Variants in FAM193A observed in about 807,000 individuals in gnomAD.
FAM193A encodes family with sequence similarity 193 member A.
Under a neutral mutation model 126.5 loss-of-function variants are expected in FAM193A, and 22 were observed. That is an observed-to-expected ratio of 0.17 (90% CI 0.12 to 0.25). The LOEUF (loss-of-function observed/expected upper bound fraction) is 0.25, where lower values mean the gene tolerates loss of function less well. FAM193A is among the 10% of genes least tolerant of loss of function. The probability of loss-of-function intolerance (pLI) is 1.00; values close to 1 mark genes in which losing one functional copy is unlikely to be tolerated. For synonymous variants in FAM193A, 761 were observed against 646.8 expected, an observed-to-expected ratio of 1.18 and a Z score of -2.68; for missense variants, 1,675 against 1,672.8, an observed-to-expected ratio of 1.00 and a Z score of -0.02.
At chr4:2,613,129 T>A (rs906980164) in intron 2 of FAM193A, among the ~76,000 whole-genome samples, 1 of 152,152 alleles carries the variant, frequency 6.6e-6, no homozygotes, top group East Asian at 1.9e-4. Context: ...TTAAAAACTT[T>A]AGTAGTCAGT....
rs536378629 is a variant in FAM193A, at chr4:2,565,323, G to A, written c.255+28153G>A. On this transcript the variant is annotated intron_variant, in intron 1 of 20. Coordinates refer to ENST00000637812, the MANE Select transcript of FAM193A (RefSeq NM_001366318.2). ...TCGCCAGGCTGGAGTGCAGTGGTGCGATTTCAGTTTACTACATCCTCTGCC... is the reference window on the plus strand; with the variant it reads ...TCGCCAGGCTGGAGTGCAGTGGTGCAATTTCAGTTTACTACATCCTCTGCC... Among the ~76,000 whole-genome samples, 88 of 139,472 alleles carry A rather than the reference G, an allele frequency of 6.3e-4. 1 individual carries two copies. The highest frequency in any genetic ancestry group is 1.1e-3 in the Non-Finnish European group (72 of 66,360). 91.5% of individuals were successfully genotyped at this position (139,472 alleles called of 152,430 possible).
intron 2 of FAM193A, chr4:2,615,110 T>C (rs938665224): frequency 3.3e-5 from 5 of 152,212 alleles, no homozygotes; most frequent in African/African-American, 1.2e-4. Flanking sequence ...TTATTTTGTA[T>C]TTATTTATTT....
intron 18 of FAM193A, among the ~76,000 whole-genome samples, chr4:2,698,198 G>T (rs1439771698): frequency 6.6e-6 from 1 of 152,228 alleles, no homozygotes; most frequent in East Asian, 1.9e-4. Context: ...TCCAAACCGG[G>T]GGCCTGTGCT....
At chr4:2,644,643 G>C (rs1394619076) in intron 6 of FAM193A, among the ~76,000 whole-genome samples, 2 of 152,006 alleles carry the variant, frequency 1.3e-5, no homozygotes, top group Non-Finnish European at 2.9e-5. Context: ...TGACTGCCCA[G>C]TTACACCTAA....
At chr4:2,717,458 TG>T (rs983758916) in intron 20 of FAM193A, among the ~76,000 whole-genome samples, 15 of 151,766 alleles carry the variant, frequency 9.9e-5, no homozygotes, top group African/African-American at 3.6e-4. Flanking sequence ...TACCTGGACG[TG>T]GTGACAAGAG....
intron 1 of FAM193A, among the ~76,000 whole-genome samples, chr4:2,541,608 G>C (rs1472577249): frequency 6.6e-6 from 1 of 151,640 alleles, no homozygotes; most frequent in Admixed American, 6.6e-5. Flanking sequence ...ACCACGCCCA[G>C]CTAATTTTTG....
At chr4:2,678,177 G>T (rs940387440) in intron 13 of FAM193A, among the ~76,000 whole-genome samples, 1 of 151,818 alleles carries the variant, frequency 6.6e-6, no homozygotes, top group African/African-American at 2.4e-5. Context: ...ATAGAGATGG[G>T]GTTTCACTGT....
intron 2 of FAM193A, chr4:2,608,016 T>G (rs747428711): frequency 8.0e-5 from 128 of 1,601,278 alleles, no homozygotes; most frequent in Non-Finnish European, 1.0e-4. Context: ...GGTGTGAATG[T>G]GCACCACGCA....
chr4:2,688,865 C>T (rs917239443), intron 13 of FAM193A, among the ~76,000 whole-genome samples: 3 of 152,236 alleles, frequency 2.0e-5, no homozygotes, highest in African/African-American at 7.2e-5. Context: ...CAGGAGCAGC[C>T]AGATGGCTAG....
intron 6 of FAM193A, among the ~76,000 whole-genome samples, chr4:2,645,492 T>C (rs1745042848): frequency 6.6e-6 from 1 of 152,120 alleles, no homozygotes; most frequent in African/African-American, 2.4e-5. Flanking sequence ...TATTTTCTCA[T>C]TTTCCATCTT....
At chr4:2,687,902 C>T (rs1174367510) in intron 13 of FAM193A, among the ~76,000 whole-genome samples, 3 of 152,192 alleles carry the variant, frequency 2.0e-5, no homozygotes, top group Non-Finnish European at 4.4e-5. Flanking sequence ...CATCCCTGTA[C>T]GTGCGCCATC....
Position 2,694,980 on chromosome 4 carries a change from G to T in FAM193A, c.3127G>T (p.Gly1043Cys). 1 of 1,604,298 alleles carries T rather than the reference G, an allele frequency of 6.2e-7. No homozygotes were observed. The highest frequency in any genetic ancestry group is 8.5e-7 in the Non-Finnish European group (1 of 1,176,070). The change falls in exon 17 of 21, where the codon GGT (glycine) becomes TGT (cysteine). Residue 1043 changes from glycine (G) to cysteine (C), a missense_variant. Gly to Cys is a radical substitution (Grantham distance 159). Around this residue, in one of 4 missense-constraint regions of FAM193A, gnomAD observed 1,186 missense variants for 1,109.2 expected, o/e 1.07. Transcript: ENST00000637812. ...CTGCGAAGGGCACCGCTGCGAGAAT[G>T]GTGTCTACGACCCACAGCAGGATGA... The part of the protein sequence containing the change: ...PDCEGHRCEN[G>C]VYDPQQDDGD...
rs774897240 is a variant in FAM193A at position 2,590,463 on chromosome 4, CAA to C, written c.256-5610_256-5609del. On this transcript the variant is annotated intron_variant, in intron 1 of 20. Transcript: ENST00000637812. ...CTGGTGACAGAGCGAGACTCCATCT[CAA>C]AAAAAAAAAACAAAAAAAAACAAAA... Among the ~76,000 whole-genome samples the C allele has an allele frequency of 2.0e-3, 27 of 13,570 alleles. 3 individuals carry two copies. Among genetic ancestry groups the C allele is most frequent in the African/African-American group, 8.7e-3 (21 of 2,422 alleles). The allele number at this position is 13,570 out of a possible 152,430, so 8.9% of individuals were successfully genotyped here.
chr4:2,582,289 C>T (rs1489224151), intron 1 of FAM193A, among the ~76,000 whole-genome samples: 1 of 152,078 alleles, frequency 6.6e-6, no homozygotes, highest in Non-Finnish European at 1.5e-5. Context: ...GTAGCTGAGA[C>T]CACAAGTGTG....
chr4:2,710,159 TTG>T (rs1718756237), intron 19 of FAM193A, among the ~76,000 whole-genome samples: 2 of 135,010 alleles, frequency 1.5e-5, no homozygotes, highest in Non-Finnish European at 3.1e-5. Context: ...TGTTCTTCTT[TTG>T]TTTTTTTTTT....
chr4:2,712,198 G>A (rs750748440), intron 19 of FAM193A, among the ~76,000 whole-genome samples: 1 of 151,954 alleles, frequency 6.6e-6, no homozygotes, highest in Non-Finnish European at 1.5e-5. Context: ...GTGTGTGTGT[G>A]TATATATATG....
chr4:2,713,249 T>TA (rs1719186409), intron 19 of FAM193A, among the ~76,000 whole-genome samples: 1 of 145,360 alleles, frequency 6.9e-6, no homozygotes. Flanking sequence ...CTACTAAAAA[T>TA]ACAAAAGTTA....
chr4:2,672,424 A>G (rs758438333), intron 13 of FAM193A, 52 bp downstream of exon 13: 30 of 1,592,840 alleles, frequency 1.9e-5, no homozygotes, highest in Admixed American at 6.8e-5. Context: ...GAGATCCTAC[A>G]GGAGTACATA....
intron 19 of FAM193A, chr4:2,715,198 C>T (rs1483203861): frequency 1.3e-5 from 2 of 152,204 alleles, no homozygotes; most frequent in Admixed American, 1.3e-4. Flanking sequence ...CACAGTGGCT[C>T]ACGCTTGTAA....
Sources: allele counts gnomAD v4.1 joint callset (sites outside exome capture counted in the v4.1 genomes callset), GRCh38; gene constraint gnomAD v4.1.1; regional missense constraint gnomAD v4.1.1; transcripts MANE v1.5; gene names NCBI Gene and HGNC (gene_info 2026-07-23, HGNC 2026-07-21).